DNHD1: variants seen among roughly 807,000 people sequenced by gnomAD.
The protein encoded by DNHD1 is dynein heavy chain domain-containing protein 1.
A neutral mutation model predicts 458.1 loss-of-function variants in DNHD1; 383 were observed. The observed-to-expected ratio is 0.84, with a 90% CI of 0.77 to 0.91. The LOEUF is 0.91. DNHD1 is among the 40% of genes least tolerant of loss of function. The pLI is 0.00. For missense variants in DNHD1, 5,336 were observed against 5,866.1 expected (o/e 0.91, Z 2.95); for synonymous variants, 2,203 against 2,376.9 (o/e 0.93, Z 2.13).
At chr11:6,525,691 C>T (rs892451494) in intron 10 of DNHD1, among the ~76,000 whole-genome samples, 31 of 152,230 alleles carry the variant, frequency 2.0e-4, no homozygotes, top group Admixed American at 5.2e-4. Context: ...ACAATTTGTA[C>T]CTTTTGAAAG....
chr11:6,526,768 A>G lies in DNHD1; in HGVS notation c.1838-1754A>G, dbSNP rs140970691. Among the ~76,000 whole-genome samples the G allele has an allele frequency of 6.6e-5, 10 of 152,288 alleles. No individual in the cohort carries two copies. The East Asian group carries it at 1.9e-3, about 29-fold the overall frequency. On this transcript the variant is annotated intron_variant, in intron 10 of 42. Transcript: ENST00000254579. The stretch of plus-strand genomic sequence containing the variant: ...AGGGAGCCCTGACTGTTTGGTTTCA[A>G]GAGTACACAGGGCATAGATTACTTA...
rs554718091 is a variant in DNHD1, at chr11:6,544,595, T to G, written c.3776T>G (p.Leu1259Arg). 1 of 1,551,554 alleles carries G rather than the reference T, an allele frequency of 6.4e-7. No individual in the cohort carries two copies. Among genetic ancestry groups the G allele is most frequent in the Admixed American group, 2.0e-5 (1 of 50,994 alleles). ...HGLGALLEVW[L>R]TFQQKWIFLN... ...ACAGGTGCCCTGCTGGAGGTGTGGC[T>G]GACTTTCCAGCAGAAGTGGATTTTT... Residue 1259 changes from leucine to arginine, a missense_variant, in exon 20 of 43, where the codon CTG (leucine) becomes CGG (arginine). This residue lies in a region of DNHD1 where 3,932 missense variants were observed against 4,365.6 expected (regional missense o/e 0.90). Transcript: ENST00000254579.
At chr11:6,511,594 T>C (rs970711413) in intron 7 of DNHD1, among the ~76,000 whole-genome samples, 165 bp downstream of exon 7, 1 of 152,218 alleles carries the variant, frequency 6.6e-6, no homozygotes, top group East Asian at 1.9e-4. Context: ...TGCTCTAGGA[T>C]GGATGAATCA....
At chr11:6,538,856 G>C (rs146921270) in intron 16 of DNHD1, 46 bp downstream of exon 16, 4 of 1,442,878 alleles carry the variant, frequency 2.8e-6, no homozygotes, top group Middle Eastern at 1.8e-4. Context: ...AAATATGTGA[G>C]GTTAGAGCGA....
rs543517204 is a variant in DNHD1 at position 6,556,449 on chromosome 11, C to T, written c.7388-234C>T. On this transcript the variant is annotated intron_variant, in intron 24 of 42. Transcript: ENST00000254579. ...ATTCATTATTATCATTATTAACCTT[C>T]GGTTAATGAATAATAAGTCACAGAG... Among the ~76,000 whole-genome samples, 7 of 152,232 alleles carry T rather than the reference C, an allele frequency of 4.6e-5. No homozygotes were observed. The East Asian group carries it at 7.7e-4, about 17-fold the overall frequency.
chr11:6,557,677 A>G lies in DNHD1; in HGVS notation c.8382A>G (p.Lys2794=). The G allele has an allele frequency of 6.4e-6, 10 of 1,551,612 alleles. No individual in the cohort carries two copies. Among genetic ancestry groups the G allele is most frequent in the African/African-American group, 4.1e-5 (3 of 73,120 alleles). Reference sequence around the variant, plus strand: ...CATTCAAGACTTGGTGGCAGAAGAAACCCCAGATGGACCTGATCTCACCCT... The same window carrying G: ...CATTCAAGACTTGGTGGCAGAAGAAGCCCCAGATGGACCTGATCTCACCCT... ...RRSFKTWWQK[K]PQMDLISPLL... Residue 2794 remains lysine, a synonymous_variant, in exon 25 of 43, where the codon AAA becomes AAG. Transcript: ENST00000254579.
Position 6,548,946 on chromosome 11 carries a change from G to A in DNHD1, c.7387+13G>A, listed in dbSNP as rs755302864. 6.4e-6 allele frequency: 10 copies of A among 1,550,778 alleles called. No individual in the cohort carries two copies. The highest frequency in any genetic ancestry group is 1.7e-4 in the Middle Eastern group (1 of 5,968). ...CTAGCCACTTCTGGTGAGGAGCTGC[G>A]AAGAGGGAAGGAAGGAGCTACTGTC... is the stretch of plus-strand genomic sequence containing the variant. On this transcript the variant is annotated intron_variant, in intron 24 of 42. Transcript: ENST00000254579. The surrounding 1 kb of genome is among the most constrained non-coding windows in gnomAD (Gnocchi z 4.4).
At position 6,567,776 on chromosome 11, in the gene DNHD1, G is replaced by T. The variant is rs1364855052; in HGVS notation, c.12267G>T (p.Leu4089=). 1 of 1,613,846 alleles carries T rather than the reference G, an allele frequency of 6.2e-7. No individual in the cohort carries two copies. Among genetic ancestry groups the T allele is most frequent in the Non-Finnish European group, 8.5e-7 (1 of 1,179,914 alleles). ...FKHSQATQPM[L]ILLPPPGHPS... ...ATAGTCAGGCTACTCAGCCCATGCT[G>T]ATCTTGTTGCCACCGCCTGGCCACC... is the stretch of plus-strand genomic sequence containing the variant. Residue 4089 remains leucine (L), a synonymous_variant, in exon 36 of 43, where the codon CTG becomes CTT. Transcript: ENST00000254579.
chr11:6,527,267 T>C (rs552070484), intron 10 of DNHD1, among the ~76,000 whole-genome samples: 52 of 152,276 alleles, frequency 3.4e-4, no homozygotes, highest in Non-Finnish European at 3.8e-4. Context: ...CCAATGCAGG[T>C]AGAAAAGTTA....
chr11:6,531,215 C>T (rs952811767), intron 12 of DNHD1, among the ~76,000 whole-genome samples: 1 of 152,152 alleles, frequency 6.6e-6, no homozygotes, highest in African/African-American at 2.4e-5. Context: ...CGTTTCTCTT[C>T]TTCCTGAACT....
rs1470170074 is a variant in DNHD1, at chr11:6,570,304, G to A, written c.13013G>A (p.Ser4338Asn). ...ACTGAGGACAGGGAGGCCCTGATTAGCCTCACACAAGCCTGCCTGAGCCCC... is the reference window on the plus strand; with the variant it reads ...ACTGAGGACAGGGAGGCCCTGATTAACCTCACACAAGCCTGCCTGAGCCCC... ...GDTEDREALI[S>N]LTQACLSPSS... Residue 4338 changes from serine (S) to asparagine (N), a missense_variant, in exon 41 of 43, where the codon AGC becomes AAC. By Grantham distance (46) the Ser-to-Asn change is conservative (BLOSUM62 1). Coordinates refer to ENST00000254579, the MANE Select transcript of DNHD1 (RefSeq NM_144666.3). 8 of 1,613,568 alleles carry A rather than the reference G, an allele frequency of 5.0e-6. No homozygotes were observed. The highest frequency in any genetic ancestry group is 1.7e-5 in the Admixed American group (1 of 59,920).
intron 7 of DNHD1, among the ~76,000 whole-genome samples, chr11:6,514,397 C>T (rs954438621): frequency 3.3e-5 from 5 of 152,150 alleles, no homozygotes; most frequent in African/African-American, 7.2e-5. Context: ...AGCCACTGCA[C>T]CTGGCCTCAG....
chr11:6,558,456 G>A, intron 25 of DNHD1, 29 bp from the exon 26 acceptor site: 1 of 1,550,490 alleles, frequency 6.4e-7, no homozygotes, highest in Non-Finnish European at 8.7e-7. Flanking sequence ...AGGTAAAGGG[G>A]AGGACATTAG....
chr11:6,571,796 C>G lies in DNHD1; in HGVS notation c.14072C>G (p.Pro4691Arg). 1 of 1,613,988 alleles carries G rather than the reference C, an allele frequency of 6.2e-7. No individual in the cohort carries two copies. Among genetic ancestry groups the G allele is most frequent in the Non-Finnish European group, 8.5e-7 (1 of 1,179,898 alleles). ...LPPVSISTQA[P>R]GTSDLPAPAD... ...CCCGTCAGCATCAGCACACAGGCCCCGGGCACCAGTGACCTGCCAGCCCCA... is the reference window on the plus strand; with the variant it reads ...CCCGTCAGCATCAGCACACAGGCCCGGGGCACCAGTGACCTGCCAGCCCCA... Residue 4691 changes from proline to arginine, a missense_variant, in exon 43 of 43, where the codon CCG becomes CGG. By Grantham distance (103) the Pro-to-Arg change is moderately radical. Around this residue, in one of 4 missense-constraint regions of DNHD1, gnomAD observed 698 missense variants for 664.9 expected, o/e 1.05. Coordinates refer to ENST00000254579, the MANE Select transcript of DNHD1 (RefSeq NM_144666.3). The surrounding 1 kb of genome is among the most constrained non-coding windows in gnomAD (Gnocchi z 5.0).
At chr11:6,565,442 T>C (rs1465971055) in intron 32 of DNHD1, among the ~76,000 whole-genome samples, 1 of 152,214 alleles carries the variant, frequency 6.6e-6, no homozygotes. Flanking sequence ...ATTTATTGAG[T>C]GCTCACTACG....
At position 6,557,887 on chromosome 11, in the gene DNHD1, G is replaced by T. The variant is rs1214257628; in HGVS notation, c.8592G>T (p.Arg2864=). Residue 2864 remains arginine, a synonymous_variant, in exon 25 of 43, where the codon CGG becomes CGT. Coordinates refer to ENST00000254579, the MANE Select transcript of DNHD1 (RefSeq NM_144666.3). The part of the protein sequence containing the change: ...AQLKLSPHLA[R]CHSMAQHVAR... The stretch of plus-strand genomic sequence containing the variant: ...TGAAGTTGAGCCCCCACCTGGCCCG[G>T]TGTCATTCCATGGCCCAGCACGTGG... The T allele has an allele frequency of 1.3e-6, 2 of 1,551,130 alleles. No individual in the cohort carries two copies. The highest frequency in any genetic ancestry group is 1.7e-6 in the Non-Finnish European group (2 of 1,146,970).
chr11:6,538,071 G>C (rs890046888), intron 14 of DNHD1, among the ~76,000 whole-genome samples: 9 of 152,200 alleles, frequency 5.9e-5, no homozygotes, highest in Non-Finnish European at 1.2e-4. Context: ...TGCATATCTG[G>C]TGCATCTCAG....
chr11:6,566,671 A>G lies in DNHD1; in HGVS notation c.11291A>G (p.Glu3764Gly). Residue 3764 changes from glutamate (E) to glycine (G), a missense_variant, in exon 35 of 43, where the codon GAA becomes GGA. By Grantham distance (98) the Glu-to-Gly change is moderately conservative (BLOSUM62 -2). Coordinates refer to ENST00000254579, the MANE Select transcript of DNHD1 (RefSeq NM_144666.3). ...MEILEEQMLH[E>G]ILCREYPELE... ...ATACTGGAAGAACAGATGCTGCATG[A>G]AATCTTGTGCAGAGAGTATCCTGAA... 1.2e-6 allele frequency: 2 copies of G among 1,613,602 alleles called. No homozygotes were observed. The highest frequency in any genetic ancestry group is 1.7e-6 in the Non-Finnish European group (2 of 1,179,728).
In DNHD1 at chr11:6,520,122, G is replaced by C. The variant is rs374350205; in HGVS notation, c.1785+20G>C. 4 of 1,614,054 alleles carry C rather than the reference G, an allele frequency of 2.5e-6. No homozygotes were observed. In the African/African-American group the frequency reaches 4.0e-5, roughly 16 times the overall value. On this transcript the variant is annotated intron_variant, in intron 9 of 42. Transcript: ENST00000254579. ...TTGCAGGTATTCTGAATTGGGCAGA[G>C]AGCTGGCTGTGGGAATTCCCAGTTC... is the stretch of plus-strand genomic sequence containing the variant.
Sources: gnomAD v4.1 joint callset for allele counts (sites outside exome capture counted in the v4.1 genomes callset) on GRCh38, gnomAD v4.1.1 for gene constraint, gnomAD v4.1.1 regional missense constraint, Gnocchi (gnomAD v3.1) non-coding constraint, MANE v1.5 for transcripts, NCBI Gene and HGNC (gene_info 2026-07-23, HGNC 2026-07-21) for gene names.